SNTG1: variants seen among roughly 807,000 people sequenced by gnomAD.
SNTG1 encodes the protein gamma-1-syntrophin.
In SNTG1, 39 loss-of-function variants were observed where a neutral mutation model predicts 74.7. The observed-to-expected ratio is 0.52, with a 90% CI of 0.40 to 0.68. The LOEUF (loss-of-function observed/expected upper bound fraction) is 0.68, where lower values mean the gene tolerates loss of function less well. SNTG1 is among the 30% of genes least tolerant of loss of function. The pLI, the probability that SNTG1 is intolerant of heterozygous loss-of-function variation, is 0.00. For missense variants in SNTG1, 685 were observed against 609.5 expected (o/e 1.12, Z -1.30); for synonymous variants, 254 against 217.1 (o/e 1.17, Z -1.49).
At chr8:50,314,013 T>C (rs1287809425) in intron 2 of SNTG1, among the ~76,000 whole-genome samples, 1 of 149,714 alleles carries the variant, frequency 6.7e-6, no homozygotes, top group African/African-American at 2.5e-5. Flanking sequence ...ATATATCTTT[T>C]AATTTTCCCC....
At chr8:50,360,278 A>G (rs905591503) in intron 2 of SNTG1, among the ~76,000 whole-genome samples, 3 of 152,132 alleles carry the variant, frequency 2.0e-5, no homozygotes, top group African/African-American at 7.2e-5. Context: ...CATTTCCAAA[A>G]TATTTTCTTG....
intron 1 of SNTG1, among the ~76,000 whole-genome samples, chr8:50,074,870 T>C (rs1432687436): frequency 6.6e-6 from 1 of 152,114 alleles, no homozygotes; most frequent in Non-Finnish European, 1.5e-5. Flanking sequence ...GACAGGTACC[T>C]GAGGGAACCG....
intron 2 of SNTG1, among the ~76,000 whole-genome samples, chr8:50,176,989 G>T (rs1027671712): frequency 5.9e-5 from 9 of 152,086 alleles, no homozygotes; most frequent in Non-Finnish European, 1.5e-5. Flanking sequence ...GGACTGTGCC[G>T]TGCAGGTAAA....
chr8:50,619,474 G>A (rs1010390514), intron 13 of SNTG1, among the ~76,000 whole-genome samples: 3 of 152,196 alleles, frequency 2.0e-5, no homozygotes, highest in African/African-American at 7.2e-5. Flanking sequence ...GCTCACGCCT[G>A]TAATCCCAGC....
intron 1 of SNTG1, among the ~76,000 whole-genome samples, chr8:50,010,383 G>A (rs1479657738): frequency 6.6e-6 from 1 of 152,062 alleles, no homozygotes; most frequent in African/African-American, 2.4e-5. Context: ...AGGAAGGAGT[G>A]CTCTTTGACA....
At chr8:50,208,895 T>G (rs1290161946) in intron 2 of SNTG1, among the ~76,000 whole-genome samples, 1 of 152,162 alleles carries the variant, frequency 6.6e-6, no homozygotes, top group Non-Finnish European at 1.5e-5. Flanking sequence ...CACTGGGGCT[T>G]GTCGGACAGT....
chr8:50,251,500 CACAG>C (rs755497049), intron 2 of SNTG1, among the ~76,000 whole-genome samples: 1 of 151,726 alleles, frequency 6.6e-6, no homozygotes, highest in Non-Finnish European at 1.5e-5. Context: ...CACTGTTAAA[CACAG>C]ACAGACTGAA....
chr8:50,334,116 A>G (rs2091059488), intron 2 of SNTG1, among the ~76,000 whole-genome samples: 1 of 152,096 alleles, frequency 6.6e-6, no homozygotes. Flanking sequence ...AGGCTGGTCT[A>G]GAACTCCTGA....
In SNTG1 at chr8:50,122,164, G is replaced by T. The variant is rs1274990651; in HGVS notation, c.-102-50397G>T. Among the ~76,000 whole-genome samples the T allele has an allele frequency of 4.2e-5, 6 of 141,746 alleles. 2 individuals are homozygous for T. The highest frequency in any genetic ancestry group is 1.5e-4 in the African/African-American group (6 of 39,114). 93.0% of individuals were successfully genotyped at this position (141,746 alleles called of 152,430 possible). A position where few individuals can be genotyped will look rare whatever the true frequency, so the allele number is the denominator to read the frequency against. On this transcript the variant is annotated intron_variant, in intron 1 of 18. Coordinates refer to ENST00000642720, the MANE Select transcript of SNTG1 (RefSeq NM_018967.5). Reference sequence around the variant, plus strand: ...GTAAGTTGTGCCCATGGTTGTGTGGGATAGTGTTTCTCAGCCTCTGTAGGC... The same window carrying T: ...GTAAGTTGTGCCCATGGTTGTGTGGTATAGTGTTTCTCAGCCTCTGTAGGC...
At chr8:50,314,238 C>T (rs1348782664) in intron 2 of SNTG1, among the ~76,000 whole-genome samples, 1 of 149,182 alleles carries the variant, frequency 6.7e-6, no homozygotes, top group Non-Finnish European at 1.5e-5. Context: ...TTTACTCCCT[C>T]ATACTATATG....
intron 5 of SNTG1, among the ~76,000 whole-genome samples, chr8:50,446,014 C>G (rs557972124): frequency 6.6e-6 from 1 of 152,224 alleles, no homozygotes; most frequent in African/African-American, 2.4e-5. Context: ...ACTGGCCAGA[C>G]AACAGTGCAT....
chr8:50,186,881 C>T (rs1181478754), intron 2 of SNTG1, among the ~76,000 whole-genome samples: 1 of 151,996 alleles, frequency 6.6e-6, no homozygotes, highest in Non-Finnish European at 1.5e-5. Context: ...TGCAGAAGCT[C>T]TTTAATTATA....
intron 15 of SNTG1, among the ~76,000 whole-genome samples, chr8:50,678,641 A>C (rs1334027703): frequency 6.6e-6 from 1 of 152,048 alleles, no homozygotes; most frequent in African/African-American, 2.4e-5. Flanking sequence ...TTTTGTCCAT[A>C]CATGATTGAA....
intron 15 of SNTG1, among the ~76,000 whole-genome samples, chr8:50,668,466 A>G (rs1272452323): frequency 2.0e-5 from 3 of 150,672 alleles, no homozygotes; most frequent in Non-Finnish European, 4.4e-5. Flanking sequence ...GATCTTGTCT[A>G]GAGATACCTA....
chr8:50,719,079 G>A (rs139221850), intron 17 of SNTG1, among the ~76,000 whole-genome samples: 59 of 152,240 alleles, frequency 3.9e-4, no homozygotes, highest in African/African-American at 1.3e-3. Context: ...ACAGAAAATT[G>A]ATAATACAAA....
chr8:50,618,970 G>T (rs564310825), intron 13 of SNTG1, among the ~76,000 whole-genome samples: 1 of 152,050 alleles, frequency 6.6e-6, no homozygotes, highest in African/African-American at 2.4e-5. Flanking sequence ...ATTGATCACT[G>T]CCCAAGGACA....
At chr8:50,056,053 G>A (rs1819998450) in intron 1 of SNTG1, among the ~76,000 whole-genome samples, 1 of 152,030 alleles carries the variant, frequency 6.6e-6, no homozygotes, top group South Asian at 2.1e-4. Context: ...TTCCGTACAT[G>A]CATTTTGGAT....
chr8:50,373,904 C>T (rs1302994823), intron 2 of SNTG1, among the ~76,000 whole-genome samples: 2 of 152,222 alleles, frequency 1.3e-5, no homozygotes, highest in East Asian at 3.9e-4. Context: ...ACCTTTACTC[C>T]ACTGTGAATC....
chr8:49,955,595 T>G (rs537156438), intron 1 of SNTG1, among the ~76,000 whole-genome samples: 4 of 152,314 alleles, frequency 2.6e-5, no homozygotes, highest in African/African-American at 9.6e-5. Context: ...AGGAACTTAG[T>G]AGTATTCTTT....
Sources: allele counts gnomAD v4.1 joint callset (sites outside exome capture counted in the v4.1 genomes callset), GRCh38; gene constraint gnomAD v4.1.1; transcripts MANE v1.5; gene names NCBI Gene and HGNC (gene_info 2026-07-23, HGNC 2026-07-21).